Variants in TGFB2 observed in about 807,000 individuals in gnomAD.
The protein encoded by TGFB2 is transforming growth factor beta-2 proprotein.
In TGFB2, 13 loss-of-function variants were observed where a neutral mutation model predicts 42.7. The observed-to-expected ratio is 0.30, with a 90% CI of 0.20 to 0.48. The LOEUF is 0.48. Among genes scored for constraint, TGFB2 ranks in the 20% least tolerant of loss-of-function variants. The pLI is 0.99. For missense variants in TGFB2, 390 were observed against 517.5 expected, an observed-to-expected ratio of 0.75 and a Z score of 2.39; for synonymous variants, 193 against 193.6, an observed-to-expected ratio of 1.00 and a Z score of 0.03.
chr1:218,405,047 G>A (rs1471243580), intron 1 of TGFB2, 122 bp from the exon 2 acceptor site: 1 of 1,093,780 alleles, frequency 9.1e-7, no homozygotes, highest in Non-Finnish European at 1.3e-6. Flanking sequence ...TATTAAACTG[G>A]CCGTTGGAAA....
At chr1:218,398,535 T>A (rs1460578489) in intron 1 of TGFB2, among the ~76,000 whole-genome samples, 1 of 152,060 alleles carries the variant, frequency 6.6e-6, no homozygotes, top group African/African-American at 2.4e-5. Flanking sequence ...GTTTTTTTAT[T>A]AACCTTTAAC....
At chr1:218,408,165 C>T (rs548732827) in intron 2 of TGFB2, among the ~76,000 whole-genome samples, 1 of 152,114 alleles carries the variant, frequency 6.6e-6, no homozygotes, top group Non-Finnish European at 1.5e-5. Context: ...CTGCTAAGTC[C>T]CTATTTTTCT....
intron 1 of TGFB2, among the ~76,000 whole-genome samples, chr1:218,358,226 G>A (rs1657100891): frequency 1.3e-5 from 2 of 152,200 alleles, no homozygotes; most frequent in South Asian, 4.1e-4. Context: ...GTACTTTTTA[G>A]TGGATTTTCA....
intron 2 of TGFB2, among the ~76,000 whole-genome samples, chr1:218,412,771 G>A (rs190568090): frequency 6.6e-6 from 1 of 152,176 alleles, no homozygotes; most frequent in South Asian, 2.1e-4. Context: ...GATTCCTCCA[G>A]TGGGAAGAGC....
intron 1 of TGFB2, among the ~76,000 whole-genome samples, chr1:218,365,242 T>C (rs916490766): frequency 1.3e-5 from 2 of 152,038 alleles, no homozygotes; most frequent in African/African-American, 4.8e-5. Flanking sequence ...TTTCCCCCCT[T>C]TTTTGGCTTT....
intron 2 of TGFB2, 105 bp downstream of exon 2, chr1:218,405,437 T>C (rs1168813529): frequency 6.3e-7 from 1 of 1,581,338 alleles, no homozygotes; most frequent in Non-Finnish European, 8.6e-7. Context: ...TGATCACAGC[T>C]CACTGCAACC....
chr1:218,389,137 A>C (rs957119687), intron 1 of TGFB2, among the ~76,000 whole-genome samples: 1 of 152,222 alleles, frequency 6.6e-6, no homozygotes, highest in East Asian at 1.9e-4. Context: ...CCTGGCTTAC[A>C]GGGTTATCAG....
intron 1 of TGFB2, among the ~76,000 whole-genome samples, chr1:218,374,356 A>G (rs1235451515): frequency 6.6e-6 from 1 of 152,220 alleles, no homozygotes; most frequent in Non-Finnish European, 1.5e-5. Context: ...TATTTATTAA[A>G]TGAGAGAGTG....
rs530713214 is a variant in TGFB2, at chr1:218,399,288, G to A, written c.347-5881G>A. Among the ~76,000 whole-genome samples the A allele has an allele frequency of 4.0e-4, 61 of 152,226 alleles. 1 individual carries two copies. Among genetic ancestry groups the A allele is most frequent in the East Asian group, 2.3e-3 (12 of 5,174 alleles). On this transcript the variant is annotated intron_variant, in intron 1 of 6. Transcript: ENST00000366930. ...CTAATGATGATCACAACTGTAGTAC[G>A]TTTTCAAAGGGGATGGATAACCCAT...
intron 1 of TGFB2, among the ~76,000 whole-genome samples, chr1:218,377,554 T>G (rs1001623704): frequency 3.9e-5 from 6 of 152,142 alleles, no homozygotes; most frequent in Non-Finnish European, 8.8e-5. Flanking sequence ...GCACTATGAT[T>G]CATTCAATGT....
At chr1:218,396,007 T>C (rs1408471465) in intron 1 of TGFB2, among the ~76,000 whole-genome samples, 1 of 152,278 alleles carries the variant, frequency 6.6e-6, no homozygotes, top group Non-Finnish European at 1.5e-5. Flanking sequence ...GGACATAAAA[T>C]AGAATTCTGA....
intron 2 of TGFB2, among the ~76,000 whole-genome samples, chr1:218,416,065 A>G (rs970237833): frequency 1.3e-5 from 2 of 152,212 alleles, no homozygotes; most frequent in African/African-American, 4.8e-5. Flanking sequence ...GGGAACAGCC[A>G]TTGTTTTATC....
At chr1:218,411,994 G>A (rs957343708) in intron 2 of TGFB2, among the ~76,000 whole-genome samples, 2 of 152,182 alleles carry the variant, frequency 1.3e-5, no homozygotes, top group African/African-American at 4.8e-5. Context: ...ATATCAATGG[G>A]AAATGTGTCA....
At chr1:218,405,567 C>G (rs1253527825) in intron 2 of TGFB2, 1 of 583,266 alleles carries the variant, frequency 1.7e-6, no homozygotes, top group Non-Finnish European at 3.0e-6. Context: ...CGAGGTCTCA[C>G]CGTGTTGCCC....
At chr1:218,348,340 T>C (rs74423024) in intron 1 of TGFB2, among the ~76,000 whole-genome samples, 68 of 152,348 alleles carry the variant, frequency 4.5e-4, no homozygotes, top group African/African-American at 1.6e-3. Flanking sequence ...TTGGTAATTT[T>C]CTCTTAAAGG....
chr1:218,395,911 G>A (rs2102584230), intron 1 of TGFB2, among the ~76,000 whole-genome samples: 1 of 152,282 alleles, frequency 6.6e-6, no homozygotes, highest in Middle Eastern at 3.4e-3. Context: ...ACCGCGCCAG[G>A]CCTTGATTTC....
chr1:218,371,280 G>A (rs567156403), intron 1 of TGFB2, among the ~76,000 whole-genome samples: 5 of 152,284 alleles, frequency 3.3e-5, no homozygotes, highest in Middle Eastern at 3.4e-3. Flanking sequence ...CAGCCTGGGC[G>A]ATAGAGGGGA....
At chr1:218,414,082 A>G (rs890155101) in intron 2 of TGFB2, among the ~76,000 whole-genome samples, 2 of 152,190 alleles carry the variant, frequency 1.3e-5, no homozygotes, top group Admixed American at 1.3e-4. Flanking sequence ...TTTCATAGTG[A>G]AAGTTCAGGG....
At chr1:218,412,059 G>A (rs1472559789) in intron 2 of TGFB2, among the ~76,000 whole-genome samples, 3 of 152,184 alleles carry the variant, frequency 2.0e-5, no homozygotes, top group Non-Finnish European at 1.5e-5. Flanking sequence ...GTAAAGTAAA[G>A]TAATAGTCAG....
Sources: gnomAD v4.1 joint callset for allele counts (sites outside exome capture counted in the v4.1 genomes callset) on GRCh38, gnomAD v4.1.1 for gene constraint, MANE v1.5 for transcripts, NCBI Gene and HGNC (gene_info 2026-07-23, HGNC 2026-07-21) for gene names.